PRKCB: variants seen among roughly 807,000 people sequenced by gnomAD.
PRKCB encodes the protein protein kinase C beta, also known as protein kinase C beta type.
In PRKCB, 13 loss-of-function variants were observed where a neutral mutation model predicts 81.5. That is an observed-to-expected ratio of 0.16 (90% confidence interval 0.10 to 0.25). The LOEUF (loss-of-function observed/expected upper bound fraction) is 0.25, where lower values mean the gene tolerates loss of function less well. Ranked by LOEUF, PRKCB falls within the 10% of genes least tolerant of loss-of-function variation. The pLI is 1.00. For synonymous variants in PRKCB, 335 were observed against 321.4 expected (o/e 1.04, Z -0.45); for missense variants, 509 against 875.7 (o/e 0.58, Z 5.29).
At chr16:24,113,243 A>T (rs909835915) in intron 8 of PRKCB, among the ~76,000 whole-genome samples, 174 bp downstream of exon 8, 31 of 111,852 alleles carry the variant, frequency 2.8e-4, no homozygotes, top group South Asian at 1.2e-3. Flanking sequence ...TTTCTTGCTT[A>T]CTTGCTTGCT....
intron 10 of PRKCB, among the ~76,000 whole-genome samples, chr16:24,169,598 C>T (rs1345579736): frequency 6.6e-6 from 1 of 152,120 alleles, no homozygotes; most frequent in Non-Finnish European, 1.5e-5. Flanking sequence ...CTGCTTTCGT[C>T]ATCTCCTTCA....
chr16:23,959,264 G>A (rs1292010981), intron 2 of PRKCB, among the ~76,000 whole-genome samples: 2 of 152,182 alleles, frequency 1.3e-5, no homozygotes, highest in African/African-American at 2.4e-5. Flanking sequence ...ATGGTGATTC[G>A]TCATCATTCT....
chr16:24,070,617 A>G (rs935571850), intron 5 of PRKCB, among the ~76,000 whole-genome samples: 1 of 152,216 alleles, frequency 6.6e-6, no homozygotes, highest in Non-Finnish European at 1.5e-5. Flanking sequence ...AGCATGAAGT[A>G]TATAGCTCCT....
chr16:24,208,237 A>T (rs1968077908), intron 16 of PRKCB: 1 of 152,330 alleles, frequency 6.6e-6, no homozygotes, highest in Non-Finnish European at 1.5e-5. Flanking sequence ...ACGCCACTGC[A>T]CCCCAACCTG....
intron 5 of PRKCB, among the ~76,000 whole-genome samples, chr16:24,087,189 C>T (rs1264872725): frequency 1.3e-5 from 2 of 152,118 alleles, no homozygotes; most frequent in Non-Finnish European, 1.5e-5. Flanking sequence ...AACATTGACC[C>T]AATGCTATTA....
chr16:24,219,691 CA>C lies in PRKCB; in HGVS notation c.*4876del. ...ACACACACACACACACACACACACA[CA>C]CACACACACACCACTTTATGGCAAT... is the stretch of plus-strand genomic sequence containing the variant. On this transcript the variant is annotated 3_prime_UTR_variant, in exon 17 of 17. Transcript: ENST00000643927. 5 of 1,294,644 alleles carry C rather than the reference CA, an allele frequency of 3.9e-6. No individual in the cohort carries two copies. Among genetic ancestry groups the C allele is most frequent in the Non-Finnish European group, 4.9e-6 (5 of 1,019,204 alleles). 80.2% of individuals were successfully genotyped at this position (1,294,644 alleles called of 1,614,324 possible). A position where few individuals can be genotyped will look rare whatever the true frequency, so the allele number is the denominator to read the frequency against.
chr16:23,945,735 GAA>G (rs1382619501), intron 2 of PRKCB, among the ~76,000 whole-genome samples: 2 of 151,738 alleles, frequency 1.3e-5, no homozygotes, highest in African/African-American at 4.8e-5. Flanking sequence ...AAAAGAAAAA[GAA>G]AAAGAAAAAG....
At chr16:24,162,966 T>C (rs1260087341) in intron 10 of PRKCB, among the ~76,000 whole-genome samples, 1 of 152,172 alleles carries the variant, frequency 6.6e-6, no homozygotes, top group Non-Finnish European at 1.5e-5. Context: ...CTAGAATAGA[T>C]TTCTAGGTTT....
Position 24,141,385 on chromosome 16 carries a change from G to A in PRKCB, c.1066-13299G>A, listed in dbSNP as rs549489766. ...AATTTTTGTATTTTTTAGTAGAGAC[G>A]GGGTTTCACCATGTTGACAAGGCTG... On this transcript the variant is annotated intron_variant, in intron 9 of 16. Transcript: ENST00000643927. Among the ~76,000 whole-genome samples, 5 of 152,088 alleles carry A rather than the reference G, an allele frequency of 3.3e-5. No homozygotes were observed. In the South Asian group the frequency reaches 8.3e-4, roughly 25 times the overall value.
At chr16:24,003,392 T>G (rs1965067701) in intron 3 of PRKCB, among the ~76,000 whole-genome samples, 1 of 151,786 alleles carries the variant, frequency 6.6e-6, no homozygotes, top group Non-Finnish European at 1.5e-5. Context: ...ATTCGTTTTT[T>G]TTTTTTTTTT....
At chr16:23,869,163 G>A (rs1012004743) in intron 2 of PRKCB, 18 of 452,950 alleles carry the variant, frequency 4.0e-5, no homozygotes, top group Non-Finnish European at 5.7e-5. Flanking sequence ...CCAATGGAAC[G>A]TGAGCAGACA....
At chr16:23,923,377 A>C (rs1265774713) in intron 2 of PRKCB, among the ~76,000 whole-genome samples, 2 of 152,014 alleles carry the variant, frequency 1.3e-5, no homozygotes, top group African/African-American at 2.4e-5. Context: ...CTCTAGGTTC[A>C]AGTCCATGTA....
At chr16:24,177,360 T>A (rs956315190) in intron 12 of PRKCB, among the ~76,000 whole-genome samples, 8 of 152,136 alleles carry the variant, frequency 5.3e-5, no homozygotes, top group Non-Finnish European at 1.0e-4. Flanking sequence ...AACTACACAC[T>A]CTCCCTTTCA....
chr16:23,980,564 A>G (rs1964683688), intron 2 of PRKCB, among the ~76,000 whole-genome samples: 1 of 152,222 alleles, frequency 6.6e-6, no homozygotes, highest in South Asian at 2.1e-4. Context: ...GCTTATAGGT[A>G]GTAAAATGAG....
intron 2 of PRKCB, among the ~76,000 whole-genome samples, chr16:23,920,221 T>A (rs1963804146): frequency 6.6e-6 from 1 of 152,150 alleles, no homozygotes; most frequent in South Asian, 2.1e-4. Context: ...CTCATTGTGG[T>A]TTTTGATTTG....
Position 24,123,987 on chromosome 16 carries a change from G to T in PRKCB, c.1065+6G>T, listed in dbSNP as rs1402206409. The T allele has an allele frequency of 1.9e-6, 3 of 1,614,028 alleles. No individual in the cohort carries two copies. The highest frequency in any genetic ancestry group is 1.7e-6 in the Non-Finnish European group (2 of 1,179,930). ...GGAAAGGCAGCTTTGGCAAGGTATG[G>T]TATGATTTGGTGGCTCCACCTGCTT... On this transcript the variant is annotated splice_donor_region_variant and intron_variant, in intron 9 of 16. Coordinates refer to ENST00000643927, the MANE Select transcript of PRKCB (RefSeq NM_002738.7).
Position 23,987,039 on chromosome 16 carries a change from C to G in PRKCB, c.206-1469C>G, listed in dbSNP as rs1460740036. ...ATCAGTAACAATAATTCCCTTATGT[C>G]ATCAGAAAGTGAGTATATCCATTTC... On this transcript the variant is annotated intron_variant, in intron 2 of 16. Transcript: ENST00000643927. Among the ~76,000 whole-genome samples, 5 of 152,174 alleles carry G rather than the reference C, an allele frequency of 3.3e-5. No homozygotes were observed. The East Asian group carries it at 9.6e-4, about 29-fold the overall frequency.
At chr16:24,157,477 A>G (rs1309065507) in intron 10 of PRKCB, among the ~76,000 whole-genome samples, 1 of 151,804 alleles carries the variant, frequency 6.6e-6, no homozygotes, top group Non-Finnish European at 1.5e-5. Flanking sequence ...TGCTGCTGCC[A>G]CGTGAAGAAA....
chr16:24,149,744 C>T (rs1596569904), intron 9 of PRKCB, among the ~76,000 whole-genome samples: 1 of 152,160 alleles, frequency 6.6e-6, no homozygotes, highest in South Asian at 2.1e-4. Context: ...TTTTAGGTCA[C>T]ATACTGACAT....
Sources: gnomAD v4.1 joint callset for allele counts (sites outside exome capture counted in the v4.1 genomes callset) on GRCh38, gnomAD v4.1.1 for gene constraint, MANE v1.5 for transcripts, NCBI Gene and HGNC (gene_info 2026-07-23, HGNC 2026-07-21) for gene names.